The following EBF1 variants were observed in gnomAD, a reference collection of about 807,000 sequenced individuals.
EBF1 encodes transcription factor COE1.
A neutral mutation model predicts 68.4 loss-of-function variants in EBF1; 10 were observed. The ratio of observed to expected loss-of-function variants is 0.15; its 90% CI spans 0.09 to 0.25. The LOEUF (loss-of-function observed/expected upper bound fraction) is 0.25, where lower values mean the gene tolerates loss of function less well. EBF1 is among the 10% of genes least tolerant of loss of function. The pLI, the probability that EBF1 is intolerant of heterozygous loss-of-function variation, is 1.00. For missense variants in EBF1, 509 were observed against 794.4 expected (o/e 0.64, Z 4.32); for synonymous variants, 298 against 299.8 (o/e 0.99, Z 0.06).
At chr5:158,952,130 C>T (rs1236316507) in intron 6 of EBF1, among the ~76,000 whole-genome samples, 1 of 152,136 alleles carries the variant, frequency 6.6e-6, no homozygotes, top group Non-Finnish European at 1.5e-5. Context: ...CTCAGTATTC[C>T]CCCTGTAGAA....
chr5:158,756,073 G>T (rs1477184374), intron 10 of EBF1, among the ~76,000 whole-genome samples: 1 of 152,024 alleles, frequency 6.6e-6, no homozygotes, highest in Non-Finnish European at 1.5e-5. Context: ...TTCTGTAGTT[G>T]GCCCTGGCTG....
At chr5:158,762,747 G>A (rs1234564267) in intron 10 of EBF1, among the ~76,000 whole-genome samples, 2 of 152,120 alleles carry the variant, frequency 1.3e-5, no homozygotes, top group African/African-American at 4.8e-5. Flanking sequence ...ATGTTAGCCA[G>A]GATGGTCTCG....
chr5:159,092,391 C>CAT lies in EBF1; in HGVS notation c.411+3227_411+3228dup, dbSNP rs1366139512. ...TATCCTGTGTGCTTTACAATGAAGGCATAGGGATAAGGGATCTCAGATTCT... is the reference window on the plus strand; with the variant it reads ...TATCCTGTGTGCTTTACAATGAAGGCATATAGGGATAAGGGATCTCAGATTCT... On this transcript the variant is annotated intron_variant, in intron 4 of 15. Coordinates refer to ENST00000313708, the MANE Select transcript of EBF1 (RefSeq NM_024007.5). 2.0e-5 allele frequency among the ~76,000 whole-genome samples: 3 copies of CAT among 152,150 alleles called. No homozygotes were observed. The East Asian group carries it at 5.8e-4, about 29-fold the overall frequency.
At chr5:159,074,162 T>A (rs1156612338) in intron 5 of EBF1, among the ~76,000 whole-genome samples, 2 of 152,190 alleles carry the variant, frequency 1.3e-5, no homozygotes, top group Non-Finnish European at 2.9e-5. Flanking sequence ...AAGTAAAGGT[T>A]AGCACAGCTC....
At chr5:159,061,822 A>C (rs1477560344) in intron 6 of EBF1, among the ~76,000 whole-genome samples, 6 of 152,054 alleles carry the variant, frequency 3.9e-5, no homozygotes, top group African/African-American at 1.4e-4. Flanking sequence ...AGTTGATCTG[A>C]AATGCTGAGG....
At chr5:158,906,053 G>T (rs1804514090) in intron 6 of EBF1, among the ~76,000 whole-genome samples, 1 of 152,108 alleles carries the variant, frequency 6.6e-6, no homozygotes, top group South Asian at 2.1e-4. Flanking sequence ...CAGCAGCAGA[G>T]AAATGTTGCC....
At chr5:158,921,248 C>A (rs1436311647) in intron 6 of EBF1, among the ~76,000 whole-genome samples, 2 of 152,180 alleles carry the variant, frequency 1.3e-5, no homozygotes, top group African/African-American at 4.8e-5. Context: ...AACAGGACAG[C>A]CAGCACAAAT....
intron 6 of EBF1, among the ~76,000 whole-genome samples, chr5:158,879,009 T>G (rs574160638): frequency 1.3e-5 from 2 of 152,260 alleles, no homozygotes; most frequent in South Asian, 4.2e-4. Context: ...AAGAATAGAT[T>G]CTCTTCATTC....
intron 11 of EBF1, among the ~76,000 whole-genome samples, chr5:158,715,442 C>A (rs953557525): frequency 9.9e-5 from 15 of 152,260 alleles, no homozygotes; most frequent in African/African-American, 3.4e-4. Flanking sequence ...ATTTTAAATT[C>A]TCTATAATAT....
At chr5:158,948,113 C>T (rs1815201344) in intron 6 of EBF1, among the ~76,000 whole-genome samples, 1 of 152,170 alleles carries the variant, frequency 6.6e-6, no homozygotes, top group Non-Finnish European at 1.5e-5. Flanking sequence ...CAGAGAGATT[C>T]CAGTTTTTCC....
intron 6 of EBF1, among the ~76,000 whole-genome samples, chr5:159,049,351 T>A (rs545377171): frequency 3.9e-5 from 6 of 152,176 alleles, no homozygotes; most frequent in Non-Finnish European, 8.8e-5. Flanking sequence ...GCTCCTCTAA[T>A]TAAGCATCAC....
In EBF1 at chr5:158,831,886, A is replaced by G. The variant is rs115289637; in HGVS notation, c.636+8143T>C. On this transcript the variant is annotated intron_variant, in intron 7 of 15. Transcript: ENST00000313708. ...CAGAATAGAAAGTGCAAAGATCCTG[A>G]GGCAGGAATGAGTTTGGTGTATGTG... Among the ~76,000 whole-genome samples, 1,020 of 152,318 alleles carry G rather than the reference A, an allele frequency of 6.7e-3. 9 individuals are homozygous for G. The highest frequency in any genetic ancestry group is 0.024 in the African/African-American group (979 of 41,572).
At chr5:158,831,428 C>T (rs1211250949) in intron 7 of EBF1, among the ~76,000 whole-genome samples, 1 of 152,058 alleles carries the variant, frequency 6.6e-6, no homozygotes, top group African/African-American at 2.4e-5. Context: ...ATTCTATGCA[C>T]TGAAGAAGCA....
At chr5:158,969,907 AGAAAGAAAG>A (rs1755195141) in intron 6 of EBF1, among the ~76,000 whole-genome samples, 26 of 120,210 alleles carry the variant, frequency 2.2e-4, no homozygotes, top group African/African-American at 3.2e-4. Flanking sequence ...AAAGAAAGAA[AGAAAGAAAG>A]AAAAAAAAAA....
chr5:158,724,848 G>A (rs1581344557), intron 11 of EBF1, among the ~76,000 whole-genome samples: 1 of 152,182 alleles, frequency 6.6e-6, no homozygotes, highest in Non-Finnish European at 1.5e-5. Context: ...TTCCTTCATG[G>A]TGTGTTCAAA....
chr5:158,882,388 C>T (rs993612416), intron 6 of EBF1, among the ~76,000 whole-genome samples: 10 of 152,154 alleles, frequency 6.6e-5, no homozygotes, highest in African/African-American at 2.4e-4. Context: ...GTGTTTTCTC[C>T]TTAAAATGAG....
intron 6 of EBF1, among the ~76,000 whole-genome samples, chr5:158,848,183 T>A (rs1453129305): frequency 6.6e-6 from 1 of 152,196 alleles, no homozygotes; most frequent in African/African-American, 2.4e-5. Flanking sequence ...GTAAGGTAAT[T>A]TGCCCAAGGT....
At chr5:158,953,859 C>T (rs1816525014) in intron 6 of EBF1, among the ~76,000 whole-genome samples, 1 of 152,128 alleles carries the variant, frequency 6.6e-6, no homozygotes, top group Admixed American at 6.5e-5. Flanking sequence ...AAGCTGAAAA[C>T]ACAGGCTCAG....
At chr5:158,897,072 T>C (rs1184436202) in intron 6 of EBF1, among the ~76,000 whole-genome samples, 1 of 152,172 alleles carries the variant, frequency 6.6e-6, no homozygotes, top group African/African-American at 2.4e-5. Flanking sequence ...GCAGGGCAAC[T>C]GAAATCATTC....
Sources: allele counts gnomAD v4.1 joint callset (sites outside exome capture counted in the v4.1 genomes callset), GRCh38; gene constraint gnomAD v4.1.1; transcripts MANE v1.5; gene names NCBI Gene and HGNC (gene_info 2026-07-23, HGNC 2026-07-21).